The following EXOC6B variants were observed in gnomAD, a reference collection of about 807,000 sequenced individuals.
The protein encoded by EXOC6B is exocyst complex component 6B.
A neutral mutation model predicts 113.5 loss-of-function variants in EXOC6B; 54 were observed. That is an observed-to-expected ratio of 0.48 (90% CI 0.38 to 0.60). The LOEUF is 0.60. Among genes scored for constraint, EXOC6B ranks in the 20% least tolerant of loss-of-function variants. EXOC6B has a pLI of 0.00. For synonymous variants in EXOC6B, 357 were observed against 339.0 expected (o/e 1.05, Z -0.58); for missense variants, 797 against 977.5 (o/e 0.82, Z 2.46).
intron 2 of EXOC6B, among the ~76,000 whole-genome samples, chr2:72,737,475 G>A (rs1681040244): frequency 6.6e-6 from 1 of 152,144 alleles, no homozygotes; most frequent in Non-Finnish European, 1.5e-5. Flanking sequence ...GTGTCTATGA[G>A]AAATTCAAAC....
chr2:72,401,646 C>CATATATACAT (rs1693314209), intron 18 of EXOC6B, among the ~76,000 whole-genome samples: 1 of 20,716 alleles, frequency 4.8e-5, no homozygotes. Flanking sequence ...TACATATATA[C>CATATATACAT]ATATATATAT....
intron 6 of EXOC6B, among the ~76,000 whole-genome samples, chr2:72,702,116 C>T (rs1323185454): frequency 6.6e-6 from 1 of 150,508 alleles, no homozygotes; most frequent in Non-Finnish European, 1.5e-5. Flanking sequence ...ATTCCCCTTC[C>T]TGTGTCCATG....
chr2:72,384,653 A>C (rs1285038081), intron 18 of EXOC6B, among the ~76,000 whole-genome samples: 2 of 152,138 alleles, frequency 1.3e-5, no homozygotes, highest in Admixed American at 6.6e-5. Flanking sequence ...TGTTAGAATA[A>C]ACAAATTCAG....
intron 8 of EXOC6B, among the ~76,000 whole-genome samples, chr2:72,556,912 T>C (rs1703577823): frequency 6.6e-6 from 1 of 151,772 alleles, no homozygotes; most frequent in South Asian, 2.1e-4. Context: ...ACTGTCAGTA[T>C]CTACAATATA....
At chr2:72,629,902 A>G (rs1672283277) in intron 6 of EXOC6B, among the ~76,000 whole-genome samples, 1 of 152,138 alleles carries the variant, frequency 6.6e-6, no homozygotes, top group Non-Finnish European at 1.5e-5. Context: ...CTCTCAGCTA[A>G]TACACCACTT....
chr2:72,682,901 C>A (rs1265611624), intron 6 of EXOC6B, among the ~76,000 whole-genome samples: 1 of 152,110 alleles, frequency 6.6e-6, no homozygotes, highest in African/African-American at 2.4e-5. Flanking sequence ...TTTCAATGAA[C>A]CACTATAAAA....
In EXOC6B at chr2:72,497,343, T is replaced by C. The variant is rs147717721; in HGVS notation, c.1338-784A>G. Reference sequence around the variant, plus strand: ...TTGGCAAACAGAGTAACTTCAATAATAAATTCAAACTATTTTCATTTACTT... The same window carrying C: ...TTGGCAAACAGAGTAACTTCAATAACAAATTCAAACTATTTTCATTTACTT... On this transcript the variant is annotated intron_variant, in intron 13 of 21. Coordinates refer to ENST00000272427, the MANE Select transcript of EXOC6B (RefSeq NM_015189.3). Among the ~76,000 whole-genome samples the C allele has an allele frequency of 1.7e-3, 257 of 152,202 alleles. 1 individual carries two copies. Among genetic ancestry groups the C allele is most frequent in the Middle Eastern group, 0.01 (3 of 294 alleles).
chr2:72,475,707 T>C (rs550775894), intron 17 of EXOC6B, among the ~76,000 whole-genome samples: 1 of 152,310 alleles, frequency 6.6e-6, no homozygotes, highest in South Asian at 2.1e-4. Context: ...GCAGCTGTGC[T>C]GGTTCCCTGC....
At chr2:72,190,789 T>C (rs1175863284) in intron 20 of EXOC6B, among the ~76,000 whole-genome samples, 1 of 152,252 alleles carries the variant, frequency 6.6e-6, no homozygotes, top group East Asian at 1.9e-4. Flanking sequence ...TTAATGATTA[T>C]ATTCTTGATT....
chr2:72,402,421 G>T lies in EXOC6B; in HGVS notation c.1981-22551C>A, dbSNP rs1693400071. ...AACACTGATTTTTATATTTTCCCAT[G>T]AATTCACTTTTGCCAAAGATTTTTA... On this transcript the variant is annotated intron_variant, in intron 18 of 21. Coordinates refer to ENST00000272427, the MANE Select transcript of EXOC6B (RefSeq NM_015189.3). 1.3e-5 allele frequency among the ~76,000 whole-genome samples: 2 copies of T among 152,102 alleles called. 1 individual carries two copies. The highest frequency in any genetic ancestry group is 4.1e-4 in the South Asian group (2 of 4,826).
chr2:72,516,641 C>A (rs1701226853), intron 8 of EXOC6B, among the ~76,000 whole-genome samples: 1 of 152,160 alleles, frequency 6.6e-6, no homozygotes, highest in Non-Finnish European at 1.5e-5. Context: ...GAACCAGAGA[C>A]TATTATTACA....
At chr2:72,466,344 C>CA (rs551509210) in intron 17 of EXOC6B, among the ~76,000 whole-genome samples, 19,938 of 81,912 alleles carry the variant, frequency 0.24, 1,794 homozygotes, top group Non-Finnish European at 0.3. Flanking sequence ...GACTCCACCT[C>CA]AAAAAAAAAA....
Position 72,678,433 on chromosome 2 carries a change from A to G in EXOC6B, c.669+39670T>C, listed in dbSNP as rs113315127. On this transcript the variant is annotated intron_variant, in intron 6 of 21. Coordinates refer to ENST00000272427, the MANE Select transcript of EXOC6B (RefSeq NM_015189.3). Reference sequence around the variant, plus strand: ...ATTAAGGAACTGGGGCAGGCTGGGCACTGTGGTTCACGTTTACAATCCCAA... The same window carrying G: ...ATTAAGGAACTGGGGCAGGCTGGGCGCTGTGGTTCACGTTTACAATCCCAA... Among the ~76,000 whole-genome samples the G allele has an allele frequency of 1.5e-4, 23 of 152,310 alleles. 2 individuals are homozygous for G. The highest frequency in any genetic ancestry group is 4.6e-4 in the African/African-American group (19 of 41,578).
intron 8 of EXOC6B, among the ~76,000 whole-genome samples, chr2:72,536,227 TTCAAG>T (rs1702280836): frequency 1.3e-5 from 2 of 152,186 alleles, no homozygotes; most frequent in Non-Finnish European, 2.9e-5. Context: ...AGATACGTCA[TTCAAG>T]TCAACATTTT....
At chr2:72,821,259 C>G (rs890243233) in intron 1 of EXOC6B, among the ~76,000 whole-genome samples, 2 of 151,986 alleles carry the variant, frequency 1.3e-5, no homozygotes, top group Admixed American at 6.6e-5. Context: ...GAATGCAAAT[C>G]AAAACTACAA....
At chr2:72,209,441 G>A (rs542499517) in intron 20 of EXOC6B, among the ~76,000 whole-genome samples, 1 of 151,982 alleles carries the variant, frequency 6.6e-6, no homozygotes, top group African/African-American at 2.4e-5. Context: ...TCGAGCCCGG[G>A]AAGCAGAGAT....
At chr2:72,392,900 C>T (rs976608160) in intron 18 of EXOC6B, among the ~76,000 whole-genome samples, 1 of 152,116 alleles carries the variant, frequency 6.6e-6, no homozygotes, top group Non-Finnish European at 1.5e-5. Context: ...CATCTGCTCT[C>T]TCTGTGGGCC....
chr2:72,224,038 T>C (rs755273350), intron 20 of EXOC6B, among the ~76,000 whole-genome samples: 2 of 152,162 alleles, frequency 1.3e-5, no homozygotes, highest in Non-Finnish European at 2.9e-5. Context: ...AAGCTCCAAT[T>C]TTTTTCCAGC....
At chr2:72,564,409 A>T (rs1704051482) in intron 7 of EXOC6B, among the ~76,000 whole-genome samples, 1 of 152,234 alleles carries the variant, frequency 6.6e-6, no homozygotes, top group Admixed American at 6.5e-5. Flanking sequence ...TTATTTGAGT[A>T]CAAAATAGTT....
Sources: allele counts gnomAD v4.1 joint callset (sites outside exome capture counted in the v4.1 genomes callset), GRCh38; gene constraint gnomAD v4.1.1; transcripts MANE v1.5; gene names NCBI Gene and HGNC (gene_info 2026-07-23, HGNC 2026-07-21).